Variants in PARD3 observed in about 807,000 individuals in gnomAD.
The protein encoded by PARD3 is partitioning defective 3 homolog.
Under a neutral mutation model 155.4 loss-of-function variants are expected in PARD3, and 75 were observed. The observed-to-expected ratio is 0.48, with a 90% CI of 0.40 to 0.58. The LOEUF (loss-of-function observed/expected upper bound fraction) is 0.58. PARD3 is among the 20% of genes least tolerant of loss of function. The pLI, the probability that PARD3 is intolerant of heterozygous loss-of-function variation, is 0.00. For synonymous variants in PARD3, 576 were observed against 610.5 expected (o/e 0.94, Z 0.83); for missense variants, 1,642 against 1,721.7 (o/e 0.95, Z 0.82).
intron 19 of PARD3, among the ~76,000 whole-genome samples, chr10:34,327,012 G>A (rs1296576702): frequency 2.6e-5 from 4 of 152,192 alleles, no homozygotes; most frequent in Non-Finnish European, 4.4e-5. Flanking sequence ...ACTGAGTGCA[G>A]GGCTTACAAT....
chr10:34,516,094 A>G (rs959306085), intron 3 of PARD3, among the ~76,000 whole-genome samples: 5 of 151,888 alleles, frequency 3.3e-5, no homozygotes, highest in Non-Finnish European at 7.4e-5. Context: ...CCTCCCAAGT[A>G]GCTGGGATTA....
At chr10:34,393,876 C>T (rs1321172670) in intron 7 of PARD3, among the ~76,000 whole-genome samples, 2 of 141,124 alleles carry the variant, frequency 1.4e-5, no homozygotes, top group East Asian at 4.2e-4. Flanking sequence ...CTTGCTCTGT[C>T]ACCTGGGCTA....
intron 4 of PARD3, among the ~76,000 whole-genome samples, chr10:34,459,358 A>AGGCGGG (rs2077503303): frequency 6.6e-6 from 1 of 151,922 alleles, no homozygotes; most frequent in South Asian, 2.1e-4. Flanking sequence ...TTTTTAGTAG[A>AGGCGGG]GGCGGGGTTT....
chr10:34,605,414 C>T (rs1260252728), intron 2 of PARD3, among the ~76,000 whole-genome samples: 1 of 147,620 alleles, frequency 6.8e-6, no homozygotes, highest in Non-Finnish European at 1.5e-5. Flanking sequence ...AGGATGGTCT[C>T]GATCTCCTGA....
intron 22 of PARD3, among the ~76,000 whole-genome samples, chr10:34,220,490 C>G (rs1260027134): frequency 6.6e-6 from 1 of 152,182 alleles, no homozygotes; most frequent in Non-Finnish European, 1.5e-5. Context: ...ATTTTGTGCT[C>G]AAACAAGAGC....
At chr10:34,446,572 A>C (rs1030057172) in intron 5 of PARD3, among the ~76,000 whole-genome samples, 9 of 152,228 alleles carry the variant, frequency 5.9e-5, no homozygotes, top group African/African-American at 1.9e-4. Flanking sequence ...AAACTATCTA[A>C]ATCTTAAAAA....
intron 22 of PARD3, among the ~76,000 whole-genome samples, chr10:34,198,663 A>G (rs1564474987): frequency 1.3e-5 from 2 of 152,188 alleles, no homozygotes; most frequent in African/African-American, 2.4e-5. Context: ...GAAAATTTTC[A>G]CTACCTGTCA....
chr10:34,623,696 C>T (rs1392615987), intron 2 of PARD3, among the ~76,000 whole-genome samples: 1 of 152,104 alleles, frequency 6.6e-6, no homozygotes. Flanking sequence ...AATGTCAGTG[C>T]AGGGCCAGGT....
chr10:34,509,207 C>T (rs907449166), intron 3 of PARD3, among the ~76,000 whole-genome samples: 1 of 152,018 alleles, frequency 6.6e-6, no homozygotes, highest in Admixed American at 6.6e-5. Context: ...TATCTAGTAA[C>T]CAGTTTCCTT....
chr10:34,227,318 C>A (rs570976293), intron 22 of PARD3, among the ~76,000 whole-genome samples: 2 of 152,290 alleles, frequency 1.3e-5, no homozygotes, highest in East Asian at 3.9e-4. Flanking sequence ...AGAATGATCT[C>A]CACACCAGTC....
chr10:34,188,922 C>T (rs1354162908), intron 22 of PARD3, among the ~76,000 whole-genome samples: 2 of 152,130 alleles, frequency 1.3e-5, no homozygotes, highest in African/African-American at 4.8e-5. Flanking sequence ...GTATGAGGGG[C>T]CTCTGCTTCA....
rs115052362 is a variant in PARD3 at position 34,132,896 on chromosome 10, C to T, written c.3420-1313G>A. ...AGGGCAGAAGAGTGGCAGAATGGTG[C>T]GGCAGAGAAGGGAGACGAGAAGGAG... On this transcript the variant is annotated intron_variant, in intron 22 of 24. Coordinates refer to ENST00000374788, the MANE Select transcript of PARD3 (RefSeq NM_001184785.2). 6.1e-3 allele frequency among the ~76,000 whole-genome samples: 926 copies of T among 152,152 alleles called. 4 individuals carry two copies. Among genetic ancestry groups the T allele is most frequent in the African/African-American group, 0.018 (738 of 41,512 alleles).
chr10:34,187,593 AAAC>A (rs2133239362), intron 22 of PARD3, among the ~76,000 whole-genome samples: 1 of 152,324 alleles, frequency 6.6e-6, no homozygotes, highest in African/African-American at 2.4e-5. Context: ...CAAAGAATCT[AAAC>A]AACAGTTTAG....
chr10:34,445,437 T>A (rs979538948), intron 5 of PARD3, among the ~76,000 whole-genome samples: 1 of 152,202 alleles, frequency 6.6e-6, no homozygotes, highest in Non-Finnish European at 1.5e-5. Context: ...TAGTATACAG[T>A]TTCACTCAAA....
At chr10:34,480,812 T>C (rs2079033868) in intron 3 of PARD3, among the ~76,000 whole-genome samples, 2 of 145,186 alleles carry the variant, frequency 1.4e-5, no homozygotes, top group African/African-American at 5.4e-5. Flanking sequence ...TTTTTTTTTT[T>C]TCTTTTTTGA....
intron 2 of PARD3, among the ~76,000 whole-genome samples, chr10:34,687,459 C>T (rs2093970552): frequency 6.6e-6 from 1 of 152,184 alleles, no homozygotes; most frequent in South Asian, 2.1e-4. Flanking sequence ...TAAACATCAA[C>T]AGGCTTAGCA....
chr10:34,654,056 T>A (rs993899729), intron 2 of PARD3, among the ~76,000 whole-genome samples: 45 of 152,124 alleles, frequency 3.0e-4, no homozygotes. Context: ...TCACACCTTG[T>A]CTTTATTAAT....
intron 3 of PARD3, among the ~76,000 whole-genome samples, chr10:34,509,980 A>G (rs933437182): frequency 5.9e-5 from 9 of 152,368 alleles, no homozygotes; most frequent in African/African-American, 1.2e-4. Context: ...TCAACAAAAA[A>G]GAAGGATATC....
Position 34,119,715 on chromosome 10 carries a change from C to T in PARD3, c.3566G>A (p.Ser1189Asn). The T allele has an allele frequency of 6.2e-7, 1 of 1,612,446 alleles. No individual in the cohort carries two copies. Among genetic ancestry groups the T allele is most frequent in the Middle Eastern group, 1.7e-4 (1 of 6,060 alleles). The change falls in exon 24 of 25, where the codon AGC becomes AAC. Residue 1189 changes from serine (S) to asparagine (N), a missense_variant. Around this residue, in one of 3 missense-constraint regions of PARD3, gnomAD observed 1,529 missense variants for 1,587.3 expected, o/e 0.96. Coordinates refer to ENST00000374788, the MANE Select transcript of PARD3 (RefSeq NM_001184785.2). ...PWPNARPATQ[S>N]GRHSVSVEVQ... ...CTCCACGGACACCGAGTGTCGCCCGCTCTGCGTCGCCGGCCGTGCGTTCGG... is the reference window on the plus strand; with the variant it reads ...CTCCACGGACACCGAGTGTCGCCCGTTCTGCGTCGCCGGCCGTGCGTTCGG...
Sources: allele counts gnomAD v4.1 joint callset (sites outside exome capture counted in the v4.1 genomes callset), GRCh38; gene constraint gnomAD v4.1.1; regional missense constraint gnomAD v4.1.1; transcripts MANE v1.5; gene names NCBI Gene and HGNC (gene_info 2026-07-23, HGNC 2026-07-21).